Variants in DGCR2 observed in about 807,000 individuals in gnomAD.
DGCR2 encodes integral membrane protein DGCR2/IDD.
In DGCR2, 24 loss-of-function variants were observed where a neutral mutation model predicts 51.6. The ratio of observed to expected loss-of-function variants is 0.47; its 90% CI spans 0.34 to 0.65. The LOEUF (loss-of-function observed/expected upper bound fraction) is 0.65, where lower values mean the gene tolerates loss of function less well. Among genes scored for constraint, DGCR2 ranks in the 30% least tolerant of loss-of-function variants. The pLI is 0.01. For missense variants in DGCR2, 765 were observed against 772.1 expected (o/e 0.99, Z 0.11); for synonymous variants, 340 against 315.4 (o/e 1.08, Z -0.82).
chr22:19,079,123 G>C (rs550554238), intron 2 of DGCR2, among the ~76,000 whole-genome samples: 58 of 152,262 alleles, frequency 3.8e-4, no homozygotes, highest in Non-Finnish European at 6.8e-4. Context: ...ATTCTTAACA[G>C]TATTCTCTTA....
chr22:19,107,477 T>C (rs1382803868), intron 1 of DGCR2, among the ~76,000 whole-genome samples: 1 of 152,264 alleles, frequency 6.6e-6, no homozygotes, highest in Non-Finnish European at 1.5e-5. Context: ...CACCACCTGC[T>C]ACCATCTATC....
intron 4 of DGCR2, 141 bp downstream of exon 4, chr22:19,064,707 G>T: frequency 2.7e-6 from 2 of 743,784 alleles, no homozygotes; most frequent in Non-Finnish European, 2.2e-6. Flanking sequence ...GATCTCCTGG[G>T]CTTCCAGTGG....
chr22:19,099,082 G>T (rs1399671396), intron 1 of DGCR2, among the ~76,000 whole-genome samples: 1 of 152,226 alleles, frequency 6.6e-6, no homozygotes, highest in Non-Finnish European at 1.5e-5. Flanking sequence ...GTCAAGCCGG[G>T]TCTATTCTGG....
chr22:19,062,779 A>ATTCATTCATATTCTCTCTCTCTCTCT, intron 5 of DGCR2, among the ~76,000 whole-genome samples: 1 of 127,354 alleles, frequency 7.9e-6, no homozygotes, highest in Non-Finnish European at 1.8e-5. Context: ...ATGCATGCTC[A>ATTCATTCATATTCTCTCTCTCTCTCT]CTCTCTCTCT....
chr22:19,083,981 C>G (rs1028698233), intron 2 of DGCR2, among the ~76,000 whole-genome samples: 1 of 152,192 alleles, frequency 6.6e-6, no homozygotes. Context: ...CTCGGCCTCC[C>G]GAGGTGCCGG....
intron 2 of DGCR2, among the ~76,000 whole-genome samples, chr22:19,071,834 T>G (rs1436950841): frequency 6.6e-6 from 1 of 152,164 alleles, no homozygotes; most frequent in Non-Finnish European, 1.5e-5. Flanking sequence ...TATTTTTTGA[T>G]CATAGTATTT....
chr22:19,119,336 A>T (rs964176998), intron 1 of DGCR2, among the ~76,000 whole-genome samples: 1 of 152,176 alleles, frequency 6.6e-6, no homozygotes, highest in Non-Finnish European at 1.5e-5. Context: ...TCTTTAAATG[A>T]GGCTAAAAAC....
chr22:19,107,348 A>G (rs1454108659), intron 1 of DGCR2, among the ~76,000 whole-genome samples: 3 of 152,186 alleles, frequency 2.0e-5, no homozygotes, highest in Non-Finnish European at 4.4e-5. Flanking sequence ...CCCACAGCCC[A>G]AGGGGTCACA....
intron 2 of DGCR2, among the ~76,000 whole-genome samples, chr22:19,084,793 CGTCCGGG>C (rs1569071924): frequency 3.8e-4 from 46 of 121,762 alleles, no homozygotes; most frequent in Middle Eastern, 8.3e-3. Flanking sequence ...CCAGCCGCCC[CGTCCGGG>C]AAGGAGGTGG....
At chr22:19,097,496 A>C (rs529913978) in intron 1 of DGCR2, among the ~76,000 whole-genome samples, 1 of 152,190 alleles carries the variant, frequency 6.6e-6, no homozygotes, top group East Asian at 1.9e-4. Context: ...AAGCTGCAGT[A>C]AGCTGAGATT....
At position 19,036,988 on chromosome 22, in the gene DGCR2, GA is replaced by G. The variant is rs2082376424; in HGVS notation, c.*1876del. ...AGCTCTCAGGCTCAGGCCCGTGGGGGACTCTGCTGCGTGGTCCTCGGGCCCT... is the reference window on the plus strand; with the variant it reads ...AGCTCTCAGGCTCAGGCCCGTGGGGGCTCTGCTGCGTGGTCCTCGGGCCCT... On this transcript the variant is annotated 3_prime_UTR_variant, in exon 10 of 10. Coordinates refer to ENST00000263196, the MANE Select transcript of DGCR2 (RefSeq NM_005137.3). 6.6e-6 allele frequency: 1 copy of G among 152,428 alleles called. No homozygotes were observed. The highest frequency in any genetic ancestry group is 2.1e-4 in the South Asian group (1 of 4,830). 9.4% of individuals were successfully genotyped at this position (152,428 alleles called of 1,614,324 possible).
At chr22:19,087,923 G>C (rs138157995) in intron 2 of DGCR2, among the ~76,000 whole-genome samples, 2 of 152,044 alleles carry the variant, frequency 1.3e-5, no homozygotes, top group African/African-American at 4.8e-5. Flanking sequence ...GGCCTAAAGC[G>C]ATCCACCCAC....
intron 4 of DGCR2, 59 bp downstream of exon 4, chr22:19,064,789 G>C: frequency 6.6e-7 from 1 of 1,513,198 alleles, no homozygotes; most frequent in Non-Finnish European, 9.1e-7. Flanking sequence ...CAGAGGCCAT[G>C]TGCTCAGTAG....
chr22:19,052,789 A>AT (rs1423087635), intron 6 of DGCR2, among the ~76,000 whole-genome samples: 1 of 152,146 alleles, frequency 6.6e-6, no homozygotes, highest in Non-Finnish European at 1.5e-5. Flanking sequence ...GAAAAAAAAA[A>AT]GGAACAAATC....
intron 5 of DGCR2, among the ~76,000 whole-genome samples, chr22:19,062,774 T>TTTTTTCTCTC (rs1569052709): frequency 9.7e-5 from 11 of 113,866 alleles, no homozygotes; most frequent in Non-Finnish European, 1.5e-4. Flanking sequence ...CACACATGCA[T>TTTTTTCTCTC]GCTCACTCTC....
At chr22:19,080,295 A>C (rs2082921808) in intron 2 of DGCR2, among the ~76,000 whole-genome samples, 1 of 152,240 alleles carries the variant, frequency 6.6e-6, no homozygotes, top group South Asian at 2.1e-4. Flanking sequence ...ATAGAAACAC[A>C]ATGCAAACCA....
At chr22:19,068,285 C>T in intron 2 of DGCR2, 60 bp from the exon 3 acceptor site, 3 of 1,505,204 alleles carry the variant, frequency 2.0e-6, no homozygotes, top group Non-Finnish European at 2.7e-6. Flanking sequence ...GTCTCCCTGG[C>T]CAGCATGGTT....
intron 6 of DGCR2, among the ~76,000 whole-genome samples, chr22:19,051,736 G>A (rs889905999): frequency 7.2e-5 from 11 of 152,052 alleles, no homozygotes; most frequent in African/African-American, 2.7e-4. Context: ...AAAACAAAAC[G>A]AACAAACGAT....
chr22:19,098,432 G>A (rs574378704), intron 1 of DGCR2, among the ~76,000 whole-genome samples: 12 of 152,288 alleles, frequency 7.9e-5, no homozygotes, highest in African/African-American at 2.4e-4. Context: ...CCCTGCTGCC[G>A]TGGAGCTAAA....
Sources: gnomAD v4.1 joint callset for allele counts (sites outside exome capture counted in the v4.1 genomes callset) on GRCh38, gnomAD v4.1.1 for gene constraint, MANE v1.5 for transcripts, NCBI Gene and HGNC (gene_info 2026-07-23, HGNC 2026-07-21) for gene names.